The following ELF2 variants were observed in gnomAD, a reference collection of about 807,000 sequenced individuals.
ELF2 encodes ETS-related transcription factor Elf-2.
ELF2 carries 11 observed loss-of-function variants against 54.8 expected under a neutral mutation model. The ratio of observed to expected loss-of-function variants is 0.20; its 90% CI spans 0.13 to 0.33. The LOEUF (loss-of-function observed/expected upper bound fraction) is 0.33, where lower values mean the gene tolerates loss of function less well. Among genes scored for constraint, ELF2 ranks in the 10% least tolerant of loss-of-function variants. The probability of loss-of-function intolerance (pLI) is 1.00; values close to 1 mark genes in which losing one functional copy is unlikely to be tolerated. For missense variants in ELF2, 513 were observed against 703.0 expected (o/e 0.73, Z 3.06); for synonymous variants, 203 against 245.1 (o/e 0.83, Z 1.61).
At chr4:139,173,042 C>T (rs1159232336) in intron 1 of ELF2, among the ~76,000 whole-genome samples, 1 of 151,976 alleles carries the variant, frequency 6.6e-6, no homozygotes, top group Admixed American at 6.6e-5. Flanking sequence ...ACATATTGTA[C>T]AATTCCACTT....
Position 139,137,806 on chromosome 4 carries a change from T to A in ELF2, c.-105A>T. ...TGCATTATCATGTTTTAAAAGTCAA[T>A]AGAGATGGAGTGGAGTAGATATCCA... On this transcript the variant is annotated 5_prime_UTR_variant, in exon 3 of 10. Coordinates refer to ENST00000686138, the MANE Select transcript of ELF2 (RefSeq NM_001331036.3). The A allele has an allele frequency of 6.6e-7, 1 of 1,517,314 alleles. No homozygotes were observed. 94.0% of individuals were successfully genotyped at this position (1,517,314 alleles called of 1,614,324 possible).
At chr4:139,081,146 G>T (rs1229918028) in intron 4 of ELF2, among the ~76,000 whole-genome samples, 1 of 151,996 alleles carries the variant, frequency 6.6e-6, no homozygotes, top group African/African-American at 2.4e-5. Flanking sequence ...GTCAAGGCTC[G>T]TTCTCATACA....
At chr4:139,171,355 C>T (rs2148917987) in intron 1 of ELF2, among the ~76,000 whole-genome samples, 1 of 152,152 alleles carries the variant, frequency 6.6e-6, no homozygotes, top group South Asian at 2.1e-4. Context: ...GAGCTCTGGT[C>T]GCACCACTGC....
At chr4:139,081,430 G>C (rs1009541532) in intron 4 of ELF2, among the ~76,000 whole-genome samples, 4 of 152,232 alleles carry the variant, frequency 2.6e-5, no homozygotes, top group South Asian at 4.1e-4. Flanking sequence ...AACATGTTAT[G>C]CTGAAAATAT....
chr4:139,059,201 G>A lies in ELF2; in HGVS notation c.1564C>T (p.Pro522Ser), dbSNP rs1488457619. 7 of 1,613,830 alleles carry A rather than the reference G, an allele frequency of 4.3e-6. No individual in the cohort carries two copies. The highest frequency in any genetic ancestry group is 5.9e-6 in the Non-Finnish European group (7 of 1,179,872). ...ATGACTGCACTGATAACTCGAGGAG[G>A]AGTCTGGCCAGATGCCTGCTGAGTA... Reference protein sequence around the residue: ...MPTQQASGQTPPRVISAVIKG... With the variant: ...MPTQQASGQTSPRVISAVIKG... Residue 522 changes from proline (P) to serine (S), a missense_variant, in exon 10 of 10, where the codon CCT (proline) becomes TCT (serine). By Grantham distance (74) the Pro-to-Ser change is moderately conservative (BLOSUM62 -1). Transcript: ENST00000686138.
chr4:139,130,085 T>G (rs1737337715), intron 3 of ELF2, among the ~76,000 whole-genome samples: 1 of 152,074 alleles, frequency 6.6e-6, no homozygotes, highest in African/African-American at 2.4e-5. Context: ...AAGGGAAATT[T>G]GGACTCTGAG....
chr4:139,116,083 C>T (rs1735683203), intron 4 of ELF2, among the ~76,000 whole-genome samples: 1 of 152,136 alleles, frequency 6.6e-6, no homozygotes, highest in South Asian at 2.1e-4. Context: ...ACCTCGGCTT[C>T]CCAAAGTGCT....
chr4:139,060,364 G>A lies in ELF2; in HGVS notation c.1117C>T (p.Pro373Ser), dbSNP rs1043767811. 1.9e-6 allele frequency: 3 copies of A among 1,613,256 alleles called. No homozygotes were observed. Among genetic ancestry groups the A allele is most frequent in the African/African-American group, 2.7e-5 (2 of 74,902 alleles). ...GCTGACACAGATGCAGTGGTAGTAG[G>A]AGACCTGGATGAAGCATCGTGCCCA... is the stretch of plus-strand genomic sequence containing the variant. The part of the protein sequence containing the change: ...SPGHDASSRS[P>S]TTTASVSATA... Residue 373 changes from proline (P) to serine (S), a missense_variant, in exon 9 of 10, where the codon CCT becomes TCT. Physicochemically the swap from Pro to Ser is moderately conservative, Grantham distance 74 (BLOSUM62 -1). Coordinates refer to ENST00000686138, the MANE Select transcript of ELF2 (RefSeq NM_001331036.3).
At chr4:139,100,984 G>T (rs1171603584) in intron 4 of ELF2, among the ~76,000 whole-genome samples, 1 of 152,164 alleles carries the variant, frequency 6.6e-6, no homozygotes, top group Non-Finnish European at 1.5e-5. Context: ...AGGAAGACTC[G>T]AGATATACTT....
In ELF2 at chr4:139,169,167, G is replaced by C. The variant is rs559052371; in HGVS notation, c.-252+7800C>G. On this transcript the variant is annotated intron_variant, in intron 1 of 9. Coordinates refer to ENST00000686138, the MANE Select transcript of ELF2 (RefSeq NM_001331036.3). ...GTTTAAGACCAACCTGGCCAAAATGGTGAAACCCCATTCCTACTAAAAATA... is the reference window on the plus strand; with the variant it reads ...GTTTAAGACCAACCTGGCCAAAATGCTGAAACCCCATTCCTACTAAAAATA... 9.9e-5 allele frequency among the ~76,000 whole-genome samples: 15 copies of C among 151,856 alleles called. 1 individual carries two copies. The highest frequency in any genetic ancestry group is 3.4e-4 in the African/African-American group (14 of 41,446).
chr4:139,112,179 C>A (rs1735013650), intron 4 of ELF2, among the ~76,000 whole-genome samples: 1 of 152,160 alleles, frequency 6.6e-6, no homozygotes, highest in Non-Finnish European at 1.5e-5. Flanking sequence ...TCTAGCCCTA[C>A]TGAATCTCTT....
intron 3 of ELF2, among the ~76,000 whole-genome samples, chr4:139,132,543 G>A (rs1242844789): frequency 6.6e-6 from 1 of 151,982 alleles, no homozygotes. Flanking sequence ...ATTTTACATT[G>A]AAATCAACAG....
rs187564544 is a variant in ELF2, at chr4:139,118,323, G to C, written c.238+6841C>G. On this transcript the variant is annotated intron_variant, in intron 4 of 9. Coordinates refer to ENST00000686138, the MANE Select transcript of ELF2 (RefSeq NM_001331036.3). ...ATCAGGTAAGGGGATGTTTATTGTA[G>C]ACCACAATCATTGTGGAAATCTTCA... 4.4e-3 allele frequency among the ~76,000 whole-genome samples: 667 copies of C among 152,244 alleles called. 4 individuals carry two copies. The highest frequency in any genetic ancestry group is 0.012 in the African/African-American group (486 of 41,548).
intron 4 of ELF2, among the ~76,000 whole-genome samples, chr4:139,092,561 C>A (rs527730441): frequency 4.6e-5 from 7 of 152,180 alleles, no homozygotes; most frequent in Admixed American, 4.6e-4. Flanking sequence ...AGCTTGAGAC[C>A]AGCCTGGGCA....
At chr4:139,068,945 C>T (rs1729128112) in intron 6 of ELF2, among the ~76,000 whole-genome samples, 3 of 151,558 alleles carry the variant, frequency 2.0e-5, no homozygotes, top group African/African-American at 4.9e-5. Context: ...GTGACGCGAA[C>T]ACAGCTCCCT....
At position 139,086,041 on chromosome 4, in the gene ELF2, T is replaced by C. The variant is rs72949605; in HGVS notation, c.239-12474A>G. ...AAAACTCTTACAAAACAGTCTTCTA[T>C]AAAATTTAGAAGTTATAAAAAAAGT... On this transcript the variant is annotated intron_variant, in intron 4 of 9. Transcript: ENST00000686138. Among the ~76,000 whole-genome samples, 1,113 of 152,288 alleles carry C rather than the reference T, an allele frequency of 7.3e-3. 20 individuals carry two copies. Among genetic ancestry groups the C allele is most frequent in the African/African-American group, 0.025 (1,051 of 41,554 alleles).
rs549499981 is a variant in ELF2 at position 139,087,861 on chromosome 4, C to T, written c.239-14294G>A. ...ATAGTTTAAACGACATTTATGACAACTCATTTCAAGGGTTTGAGTTGTTTA... is the reference window on the plus strand; with the variant it reads ...ATAGTTTAAACGACATTTATGACAATTCATTTCAAGGGTTTGAGTTGTTTA... On this transcript the variant is annotated intron_variant, in intron 4 of 9. Coordinates refer to ENST00000686138, the MANE Select transcript of ELF2 (RefSeq NM_001331036.3). Among the ~76,000 whole-genome samples the T allele has an allele frequency of 2.6e-5, 4 of 152,206 alleles. No individual in the cohort carries two copies. In the South Asian group the frequency reaches 8.3e-4, roughly 32 times the overall value.
chr4:139,137,727 C>T lies in ELF2; in HGVS notation c.-26G>A, dbSNP rs750538886. On this transcript the variant is annotated 5_prime_UTR_variant, in exon 3 of 10. Coordinates refer to ENST00000686138, the MANE Select transcript of ELF2 (RefSeq NM_001331036.3). ...TGTTATTCCCTGAGGAAGCTTCAAA[C>T]GCTATTAATCAATGAAATTAAAGGT... is the stretch of plus-strand genomic sequence containing the variant. 19 of 1,612,566 alleles carry T rather than the reference C, an allele frequency of 1.2e-5. No individual in the cohort carries two copies. Among genetic ancestry groups the T allele is most frequent in the Middle Eastern group, 1.7e-4 (1 of 6,052 alleles).
intron 1 of ELF2, among the ~76,000 whole-genome samples, chr4:139,164,419 T>C (rs1475042071): frequency 1.3e-5 from 2 of 152,174 alleles, no homozygotes; most frequent in African/African-American, 4.8e-5. Flanking sequence ...GTGGATCACC[T>C]GAGGTCAGGA....
Sources: gnomAD v4.1 joint callset for allele counts (sites outside exome capture counted in the v4.1 genomes callset) on GRCh38, gnomAD v4.1.1 for gene constraint, MANE v1.5 for transcripts, NCBI Gene and HGNC (gene_info 2026-07-23, HGNC 2026-07-21) for gene names.